Variants in KIAA1328 observed in about 807,000 individuals in gnomAD.
KIAA1328 encodes the protein protein hinderin.
In KIAA1328, 52 loss-of-function variants were observed where a neutral mutation model predicts 68.1. That is an observed-to-expected ratio of 0.76 (90% CI 0.61 to 0.96). KIAA1328 has a LOEUF of 0.96. Among genes scored for constraint, KIAA1328 ranks in the 40% least tolerant of loss-of-function variants. The pLI is 0.00. For missense variants in KIAA1328, 641 were observed against 677.6 expected (o/e 0.95, Z 0.60); for synonymous variants, 232 against 239.4 (o/e 0.97, Z 0.28).
At chr18:36,894,048 G>C (rs1464705919) in intron 5 of KIAA1328, among the ~76,000 whole-genome samples, 1 of 152,122 alleles carries the variant, frequency 6.6e-6, no homozygotes. Context: ...AGGTGAGGCA[G>C]ATACTCTTCT....
intron 5 of KIAA1328, among the ~76,000 whole-genome samples, chr18:36,910,397 G>GT (rs994006963): frequency 1.3e-5 from 2 of 151,882 alleles, no homozygotes; most frequent in Admixed American, 6.6e-5. Flanking sequence ...CCCATTTCTT[G>GT]TTTTTTTCAG....
intron 7 of KIAA1328, among the ~76,000 whole-genome samples, chr18:37,134,548 C>T (rs1035377798): frequency 1.3e-5 from 2 of 152,130 alleles, no homozygotes; most frequent in Non-Finnish European, 2.9e-5. Context: ...TAAAAGAAGA[C>T]AGCTGTATTC....
At chr18:37,025,248 A>G (rs2054520003) in intron 6 of KIAA1328, among the ~76,000 whole-genome samples, 2 of 152,140 alleles carry the variant, frequency 1.3e-5, no homozygotes, top group South Asian at 4.1e-4. Context: ...CTACAAAGAG[A>G]CTTAGACTCC....
intron 6 of KIAA1328, among the ~76,000 whole-genome samples, chr18:37,009,506 C>A (rs2053899185): frequency 6.6e-6 from 1 of 152,068 alleles, no homozygotes; most frequent in African/African-American, 2.4e-5. Flanking sequence ...GTGATTTTGA[C>A]CCCCAGGAGA....
chr18:37,157,506 T>A (rs180670902), intron 7 of KIAA1328, among the ~76,000 whole-genome samples: 7 of 152,174 alleles, frequency 4.6e-5, no homozygotes, highest in Admixed American at 6.5e-5. Flanking sequence ...TTTCTTCTCA[T>A]CAGTGTAAAG....
Position 37,224,247 on chromosome 18 carries a change from G to C in KIAA1328, c.*2020G>C. On this transcript the variant is annotated 3_prime_UTR_variant, in exon 10 of 10. Coordinates refer to ENST00000280020, the MANE Select transcript of KIAA1328 (RefSeq NM_020776.3). ...AACTCTGGAGTGAGAGGATGCCAGA[G>C]GATCAAGAAAAGGATCACAGTTTCT... 1 of 985,398 alleles carries C rather than the reference G, an allele frequency of 1.0e-6. No individual in the cohort carries two copies. The highest frequency in any genetic ancestry group is 1.2e-6 in the Non-Finnish European group (1 of 829,934). 61.0% of individuals were successfully genotyped at this position (985,398 alleles called of 1,614,324 possible).
At chr18:37,160,501 G>A (rs1178983651) in intron 8 of KIAA1328, 120 bp downstream of exon 8, 2 of 841,538 alleles carry the variant, frequency 2.4e-6, no homozygotes, top group East Asian at 5.4e-5. Flanking sequence ...ACACACTGAA[G>A]TGTGCCTGCA....
intron 7 of KIAA1328, among the ~76,000 whole-genome samples, chr18:37,158,465 A>T (rs1486117857): frequency 1.3e-5 from 2 of 152,134 alleles, no homozygotes; most frequent in African/African-American, 4.8e-5. Flanking sequence ...GAAAAAATCC[A>T]GTTTAGAGGA....
intron 9 of KIAA1328, among the ~76,000 whole-genome samples, chr18:37,184,792 A>C (rs1373892047): frequency 6.6e-6 from 1 of 152,164 alleles, no homozygotes; most frequent in Non-Finnish European, 1.5e-5. Context: ...TTGGAGAATA[A>C]AGTATGAAGA....
At chr18:36,932,350 G>T (rs1233641531) in intron 5 of KIAA1328, among the ~76,000 whole-genome samples, 1 of 152,130 alleles carries the variant, frequency 6.6e-6, no homozygotes, top group African/African-American at 2.4e-5. Flanking sequence ...CCCACAAGTT[G>T]CTGGGACCAG....
intron 4 of KIAA1328, among the ~76,000 whole-genome samples, chr18:36,866,504 G>GA (rs2047758066): frequency 1.3e-5 from 2 of 151,986 alleles, no homozygotes; most frequent in South Asian, 2.1e-4. Flanking sequence ...TTTCAGATGA[G>GA]AAAAAAGTGA....
chr18:37,175,076 G>A (rs16968599), intron 9 of KIAA1328, among the ~76,000 whole-genome samples: 4,242 of 152,190 alleles, frequency 0.028, 208 homozygotes, highest in African/African-American at 0.097. Context: ...ATCACTTAAC[G>A]TTGTGGCTGA....
intron 4 of KIAA1328, among the ~76,000 whole-genome samples, chr18:36,880,556 T>C (rs2048296425): frequency 6.6e-6 from 1 of 152,226 alleles, no homozygotes; most frequent in Non-Finnish European, 1.5e-5. Context: ...GTAGGCATTT[T>C]ATTTTCTTGT....
intron 5 of KIAA1328, among the ~76,000 whole-genome samples, chr18:36,934,230 C>T (rs1434015163): frequency 6.6e-6 from 1 of 152,080 alleles, no homozygotes; most frequent in Non-Finnish European, 1.5e-5. Context: ...ATCTGTGTCA[C>T]CTCTCAACTC....
rs545812744 is a variant in KIAA1328, at chr18:37,073,269, A to G, written c.1232+5724A>G. Among the ~76,000 whole-genome samples the G allele has an allele frequency of 2.0e-5, 3 of 152,302 alleles. No individual in the cohort carries two copies. In the South Asian group the frequency reaches 6.2e-4, roughly 32 times the overall value. The stretch of plus-strand genomic sequence containing the variant: ...AAAATTTTTGCAATCTACCCATCTG[A>G]AAAAGGTCTAATATCCAGAATTTAC... On this transcript the variant is annotated intron_variant, in intron 7 of 9. Transcript: ENST00000280020.
intron 9 of KIAA1328, among the ~76,000 whole-genome samples, chr18:37,179,962 G>A (rs2059667246): frequency 6.6e-6 from 1 of 151,522 alleles, no homozygotes; most frequent in Non-Finnish European, 1.5e-5. Flanking sequence ...GAAGAGAAGG[G>A]AAAGTCACAT....
chr18:37,217,513 T>G (rs989274828), intron 9 of KIAA1328, among the ~76,000 whole-genome samples: 1 of 152,208 alleles, frequency 6.6e-6, no homozygotes, highest in Admixed American at 6.5e-5. Flanking sequence ...TCTTCTGGCT[T>G]GTAGAGTTTC....
chr18:37,013,659 C>T (rs539181927), intron 6 of KIAA1328, among the ~76,000 whole-genome samples: 44 of 152,262 alleles, frequency 2.9e-4, no homozygotes, highest in African/African-American at 9.6e-4. Context: ...ATTCATGTTT[C>T]TGCAAAGGAC....
Position 36,902,587 on chromosome 18 carries a change from C to T in KIAA1328, c.448+16915C>T, listed in dbSNP as rs549928596. ...AATTCTACATTATGTTTTATGACAG[C>T]TTCTCTGTATGTTTTTTGTAAAGTT... On this transcript the variant is annotated intron_variant, in intron 5 of 9. Coordinates refer to ENST00000280020, the MANE Select transcript of KIAA1328 (RefSeq NM_020776.3). Among the ~76,000 whole-genome samples, 80 of 152,158 alleles carry T rather than the reference C, an allele frequency of 5.3e-4. No individual in the cohort carries two copies. The South Asian group carries it at 0.016, about 30-fold the overall frequency.
Sources: gnomAD v4.1 joint callset for allele counts (sites outside exome capture counted in the v4.1 genomes callset) on GRCh38, gnomAD v4.1.1 for gene constraint, MANE v1.5 for transcripts, NCBI Gene and HGNC (gene_info 2026-07-23, HGNC 2026-07-21) for gene names.